Variants in SPECC1 observed in about 807,000 individuals in gnomAD.
SPECC1 encodes cytospin-B.
In SPECC1, 62 loss-of-function variants were observed where a neutral mutation model predicts 104.1. The observed-to-expected ratio is 0.60, with a 90% CI of 0.49 to 0.74. The LOEUF (loss-of-function observed/expected upper bound fraction) is 0.74. Among genes scored for constraint, SPECC1 ranks in the 30% least tolerant of loss-of-function variants. The pLI is 0.00. For missense variants in SPECC1, 1,306 were observed against 1,310.5 expected (o/e 1.00, Z 0.05); for synonymous variants, 513 against 501.6 (o/e 1.02, Z -0.30).
chr17:20,181,254 CTT>C (rs981189941), intron 3 of SPECC1, among the ~76,000 whole-genome samples: 2 of 151,578 alleles, frequency 1.3e-5, no homozygotes, highest in African/African-American at 4.8e-5. Flanking sequence ...AAATATTCAA[CTT>C]ATGAAACTAG....
In SPECC1 at chr17:20,227,479, A is replaced by G. The variant is rs1288697671; in HGVS notation, c.1930A>G (p.Ser644Gly). 1.2e-6 allele frequency: 2 copies of G among 1,613,920 alleles called. No homozygotes were observed. The highest frequency in any genetic ancestry group is 2.2e-5 in the South Asian group (2 of 91,042). The change falls in exon 5 of 15, where the codon AGC becomes GGC. Residue 644 changes from serine to glycine, a missense_variant. Ser to Gly is a moderately conservative substitution (Grantham distance 56, BLOSUM62 0). Transcript: ENST00000395527. Reference protein sequence around the residue: ...DHQAEQLSRTSLKLQEKASES... With the variant: ...DHQAEQLSRTGLKLQEKASES... ...CCAAGCCGAACAGCTGAGCAGAACC[A>G]GCCTAAAGCTGCAAGAAAAAGCATC... is the stretch of plus-strand genomic sequence containing the variant.
At chr17:20,163,515 A>G (rs1486244432) in intron 3 of SPECC1, among the ~76,000 whole-genome samples, 1 of 151,784 alleles carries the variant, frequency 6.6e-6, no homozygotes, top group Non-Finnish European at 1.5e-5. Context: ...AAACTTAGTG[A>G]TTCTTAAGTC....
chr17:20,110,396 C>T, intron 2 of SPECC1, 31 bp from the exon 3 acceptor site: 4 of 1,585,522 alleles, frequency 2.5e-6, no homozygotes, highest in Non-Finnish European at 3.4e-6. Context: ...ACCACCTCTT[C>T]ATCCTCTCTC....
chr17:20,294,289 G>C (rs955223130), intron 12 of SPECC1, among the ~76,000 whole-genome samples: 2 of 152,196 alleles, frequency 1.3e-5, no homozygotes, highest in Non-Finnish European at 2.9e-5. Context: ...GCTAGAGTTG[G>C]ATTTTAGTTT....
chr17:20,133,469 T>A (rs2049764100), intron 3 of SPECC1, among the ~76,000 whole-genome samples: 2 of 152,162 alleles, frequency 1.3e-5, no homozygotes, highest in Admixed American at 1.3e-4. Flanking sequence ...TCTACCTGCC[T>A]TAGTGTGGTG....
At chr17:20,277,741 T>C (rs1345380361) in intron 12 of SPECC1, among the ~76,000 whole-genome samples, 1 of 152,204 alleles carries the variant, frequency 6.6e-6, no homozygotes, top group Non-Finnish European at 1.5e-5. Context: ...GGACTCCATA[T>C]TCCCCGCCCT....
chr17:20,071,985 T>G (rs773243001), intron 1 of SPECC1, among the ~76,000 whole-genome samples: 8 of 152,222 alleles, frequency 5.3e-5, no homozygotes, highest in Non-Finnish European at 8.8e-5. Flanking sequence ...TTTTCTCCTT[T>G]TGGAAACTGC....
At chr17:20,156,041 G>C (rs1050889797) in intron 3 of SPECC1, 8 of 1,276,048 alleles carry the variant, frequency 6.3e-6, no homozygotes, top group Non-Finnish European at 7.9e-6. Context: ...CGGCTCCGCC[G>C]GCAGCTGCTG....
chr17:20,296,417 G>A (rs1241037217), intron 12 of SPECC1, among the ~76,000 whole-genome samples: 1 of 152,152 alleles, frequency 6.6e-6, no homozygotes, highest in African/African-American at 2.4e-5. Flanking sequence ...TGTTTTGGTT[G>A]CTGTAGCCTT....
At chr17:20,099,707 A>C (rs1303257588) in intron 2 of SPECC1, among the ~76,000 whole-genome samples, 1 of 148,506 alleles carries the variant, frequency 6.7e-6, no homozygotes. Context: ...AAAAAAAAAA[A>C]AAAAAAAAAA....
rs549539587 is a variant in SPECC1, at chr17:20,203,742, A to G, written c.284-591A>G. On this transcript the variant is annotated intron_variant, in intron 3 of 14. Coordinates refer to ENST00000395527, the MANE Select transcript of SPECC1 (RefSeq NM_001243439.2). The stretch of plus-strand genomic sequence containing the variant: ...CAAAAGGCCATTGTTTTTGTTGCCA[A>G]CATTATCAGTGCAGATGTACTAAAT... Among the ~76,000 whole-genome samples the G allele has an allele frequency of 6.4e-4, 98 of 152,366 alleles. 1 individual carries two copies. The highest frequency in any genetic ancestry group is 2.1e-3 in the African/African-American group (88 of 41,578).
At position 20,205,307 on chromosome 17, in the gene SPECC1, A is replaced by T; in HGVS notation, c.1258A>T (p.Thr420Ser). 6.2e-7 allele frequency: 1 copy of T among 1,614,230 alleles called. No homozygotes were observed. Among genetic ancestry groups the T allele is most frequent in the African/African-American group, 1.3e-5 (1 of 75,056 alleles). ...AAATGAGAAGCTGGTGGATGAAAAG[A>T]CGATTTTAGAGACATCCTTTCATCA... ...AENEKLVDEK[T>S]ILETSFHQHR... The change falls in exon 4 of 15, where the codon ACG becomes TCG. Residue 420 changes from threonine (T) to serine (S), a missense_variant. Physicochemically the swap from Thr to Ser is moderately conservative, Grantham distance 58. Around this residue, in one of 2 missense-constraint regions of SPECC1, gnomAD observed 1,177 missense variants for 1,139.9 expected, o/e 1.03. Coordinates refer to ENST00000395527, the MANE Select transcript of SPECC1 (RefSeq NM_001243439.2).
chr17:20,058,906 C>T (rs1411816056), intron 1 of SPECC1, among the ~76,000 whole-genome samples: 1 of 133,204 alleles, frequency 7.5e-6, no homozygotes, highest in African/African-American at 2.9e-5. Context: ...GTGGCGTGAT[C>T]TCGGCTTACC....
intron 3 of SPECC1, among the ~76,000 whole-genome samples, chr17:20,115,765 CTT>C (rs765707428): frequency 7.9e-5 from 12 of 152,162 alleles, no homozygotes; most frequent in Non-Finnish European, 1.2e-4. Context: ...GCAGAGACTT[CTT>C]TAATGATGTG....
At chr17:20,243,597 A>G (rs1219508714) in intron 7 of SPECC1, among the ~76,000 whole-genome samples, 1 of 152,216 alleles carries the variant, frequency 6.6e-6, no homozygotes, top group Non-Finnish European at 1.5e-5. Context: ...CCACTGTTAC[A>G]TAACACAGTG....
At chr17:20,169,024 T>A (rs1238443144) in intron 3 of SPECC1, among the ~76,000 whole-genome samples, 1 of 152,074 alleles carries the variant, frequency 6.6e-6, no homozygotes, top group Non-Finnish European at 1.5e-5. Context: ...AGGCATGCGC[T>A]ACCACACCCA....
rs186603161 is a variant in SPECC1 at position 20,180,304 on chromosome 17, A to G, written c.284-24029A>G. On this transcript the variant is annotated intron_variant, in intron 3 of 14. Transcript: ENST00000395527. ...ATGAGCAGCCCCACAGTAAATACTC[A>G]TCAGCTAAACTCACCTATTAAAAAA... Among the ~76,000 whole-genome samples the G allele has an allele frequency of 2.0e-5, 3 of 152,356 alleles. No individual in the cohort carries two copies. The East Asian group carries it at 5.8e-4, about 29-fold the overall frequency.
intron 12 of SPECC1, among the ~76,000 whole-genome samples, chr17:20,286,798 G>A (rs1025029409): frequency 2.0e-5 from 3 of 152,196 alleles, no homozygotes; most frequent in African/African-American, 7.2e-5. Context: ...CTAGCTCCTG[G>A]CTGCCCAGGG....
chr17:20,175,326 T>G (rs1263590662), intron 3 of SPECC1, among the ~76,000 whole-genome samples: 7 of 152,246 alleles, frequency 4.6e-5, no homozygotes, highest in Non-Finnish European at 8.8e-5. Flanking sequence ...ACCATTTTAT[T>G]AATTTTTGCC....
Sources: gnomAD v4.1 joint callset for allele counts (sites outside exome capture counted in the v4.1 genomes callset) on GRCh38, gnomAD v4.1.1 for gene constraint, gnomAD v4.1.1 regional missense constraint, MANE v1.5 for transcripts, NCBI Gene and HGNC (gene_info 2026-07-23, HGNC 2026-07-21) for gene names.